The following GPR161 variants were observed in gnomAD, a reference collection of about 807,000 sequenced individuals.
GPR161 encodes G protein-coupled receptor 161, also known as G-protein coupled receptor RE2.
A neutral mutation model predicts 39.2 loss-of-function variants in GPR161; 25 were observed. The observed-to-expected ratio is 0.64, with a 90% CI of 0.47 to 0.89. GPR161 has a LOEUF of 0.89. Among genes scored for constraint, GPR161 ranks in the 40% least tolerant of loss-of-function variants. The probability of loss-of-function intolerance (pLI) is 0.00; values close to 1 mark genes in which losing one functional copy is unlikely to be tolerated. For synonymous variants in GPR161, 286 were observed against 276.6 expected, an observed-to-expected ratio of 1.03 and a Z score of -0.34; for missense variants, 547 against 677.8, an observed-to-expected ratio of 0.81 and a Z score of 2.14.
intron 1 of GPR161, chr1:168,134,840 G>A (rs1414652315): frequency 2.1e-6 from 3 of 1,418,794 alleles, no homozygotes; most frequent in South Asian, 1.2e-5. Flanking sequence ...CTGTCCACCC[G>A]CCTCCTGCAC....
intron 1 of GPR161, among the ~76,000 whole-genome samples, chr1:168,131,810 C>A (rs1699011170): frequency 6.6e-6 from 1 of 151,850 alleles, no homozygotes; most frequent in Non-Finnish European, 1.5e-5. Context: ...GATTTATTAA[C>A]AAGAAAAGGA....
Position 168,080,319 on chromosome 1 carries a change from C to CTTGACCT in GPR161, c.*5211_*5212insAGGTCAA, listed in dbSNP as rs1381460703. The CTTGACCT allele has an allele frequency of 6.6e-6, 1 of 152,272 alleles. No homozygotes were observed. The highest frequency in any genetic ancestry group is 1.5e-5 in the Non-Finnish European group (1 of 68,122). 9.4% of individuals were successfully genotyped at this position (152,272 alleles called of 1,614,324 possible). ...CATCTTCCTTGACCTATAAGACTAG[C>CTTGACCT]TCCTTGCTTTTCTCATCCCCTTGGC... On this transcript the variant is annotated 3_prime_UTR_variant, in exon 6 of 6. Transcript: ENST00000682931.
At chr1:168,112,479 C>CAAAAAA (rs57030886) in intron 1 of GPR161, among the ~76,000 whole-genome samples, 2 of 63,068 alleles carry the variant, frequency 3.2e-5, no homozygotes, top group Non-Finnish European at 6.1e-5. Context: ...GACTCCGTCT[C>CAAAAAA]AAAAAAAAAA....
chr1:168,136,494 G>T (rs1220317048), intron 1 of GPR161: 2 of 1,260,418 alleles, frequency 1.6e-6, no homozygotes, highest in Non-Finnish European at 2.0e-6. Flanking sequence ...CAGGCCGCAG[G>T]GGAGGGGCGC....
At chr1:168,127,779 C>G (rs562922120) in intron 1 of GPR161, among the ~76,000 whole-genome samples, 8 of 152,152 alleles carry the variant, frequency 5.3e-5, no homozygotes, top group Non-Finnish European at 8.8e-5. Flanking sequence ...TGGGTTCCTC[C>G]CATGACACAT....
intron 1 of GPR161, among the ~76,000 whole-genome samples, chr1:168,111,711 G>A (rs1392260896): frequency 1.3e-5 from 2 of 152,066 alleles, no homozygotes; most frequent in Non-Finnish European, 2.9e-5. Context: ...ATTTTGAGTT[G>A]GGTTTCTGTT....
At chr1:168,132,715 C>T (rs1187466991) in intron 1 of GPR161, among the ~76,000 whole-genome samples, 1 of 151,982 alleles carries the variant, frequency 6.6e-6, no homozygotes, top group African/African-American at 2.4e-5. Context: ...ACAGAAGGCA[C>T]ATTTTTAGGT....
rs1266701581 is a variant in GPR161 at position 168,079,757 on chromosome 1, A to T, written c.*5774T>A. 4 of 152,138 alleles carry T rather than the reference A, an allele frequency of 2.6e-5. No homozygotes were observed. The highest frequency in any genetic ancestry group is 5.9e-5 in the Non-Finnish European group (4 of 68,022). The allele number at this position is 152,138 out of a possible 1,614,324, so 9.4% of individuals were successfully genotyped here. On this transcript the variant is annotated 3_prime_UTR_variant, in exon 6 of 6. Coordinates refer to ENST00000682931, the MANE Select transcript of GPR161 (RefSeq NM_001375883.1). ...CTTCTTCATCCAGCGGTCTATTATGAGAACACAACACAGTCCTCTGTCCCT... is the reference window on the plus strand; with the variant it reads ...CTTCTTCATCCAGCGGTCTATTATGTGAACACAACACAGTCCTCTGTCCCT...
intron 1 of GPR161, among the ~76,000 whole-genome samples, chr1:168,116,393 A>G (rs547784344): frequency 1.1e-4 from 16 of 152,324 alleles, no homozygotes; most frequent in African/African-American, 3.8e-4. Context: ...CCTGCTGCTC[A>G]TCTGGCCATA....
intron 1 of GPR161, chr1:168,135,899 C>A: frequency 2.3e-6 from 1 of 432,174 alleles, no homozygotes; most frequent in East Asian, 7.8e-5. Flanking sequence ...GATGAAAGTA[C>A]AATAACAAGC....
chr1:168,090,327 G>A, intron 4 of GPR161: 4 of 427,356 alleles, frequency 9.4e-6, no homozygotes, highest in Admixed American at 3.8e-5. Context: ...ATAACACCGT[G>A]CGGCAGAGAG....
rs1375040301 is a variant in GPR161 at position 168,104,561 on chromosome 1, A to G, written c.290T>C (p.Val97Ala). 6.2e-7 allele frequency: 1 copy of G among 1,614,052 alleles called. No individual in the cohort carries two copies. Among genetic ancestry groups the G allele is most frequent in the Non-Finnish European group, 8.5e-7 (1 of 1,179,908 alleles). ...SSIRREWIFGVVWCNFSALLY... is the reference protein window; with the variant it reads ...SSIRREWIFGAVWCNFSALLY... ...GAGGGCAGAGAAGTTGCACCACACTACACCAAAGATCCATTCCCTGCGGAT... is the reference window on the plus strand; with the variant it reads ...GAGGGCAGAGAAGTTGCACCACACTGCACCAAAGATCCATTCCCTGCGGAT... Residue 97 changes from valine (V) to alanine (A), a missense_variant, in exon 2 of 6, where the codon GTA (valine) becomes GCA (alanine). Transcript: ENST00000682931.
At chr1:168,099,340 G>A (rs1385282161) in intron 2 of GPR161, among the ~76,000 whole-genome samples, 3 of 148,624 alleles carry the variant, frequency 2.0e-5, no homozygotes, top group African/African-American at 7.5e-5. Flanking sequence ...CTTTTCAAAA[G>A]AAACAATGCA....
chr1:168,087,577 A>G lies in GPR161; in HGVS notation c.1324+8T>C, dbSNP rs758246301. 6.2e-7 allele frequency: 1 copy of G among 1,614,118 alleles called. No individual in the cohort carries two copies. Among genetic ancestry groups the G allele is most frequent in the African/African-American group, 1.3e-5 (1 of 75,044 alleles). ...GTTTTCTTGAAGCAATCAGTCACAGAAGCCAACCTTTGATTTGTTCCACTT... is the reference window on the plus strand; with the variant it reads ...GTTTTCTTGAAGCAATCAGTCACAGGAGCCAACCTTTGATTTGTTCCACTT... On this transcript the variant is annotated splice_region_variant and intron_variant, in intron 5 of 5. Transcript: ENST00000682931.
At chr1:168,132,452 G>T (rs1306835455) in intron 1 of GPR161, among the ~76,000 whole-genome samples, 7 of 151,438 alleles carry the variant, frequency 4.6e-5, no homozygotes, top group Non-Finnish European at 1.0e-4. Context: ...GCCGGGCGTG[G>T]TGGCAGGTGC....
At chr1:168,119,215 C>CGT (rs1697896991) in intron 1 of GPR161, among the ~76,000 whole-genome samples, 4 of 110,478 alleles carry the variant, frequency 3.6e-5, no homozygotes, top group African/African-American at 1.7e-4. Context: ...TATATGTATA[C>CGT]ATATATATAT....
intron 1 of GPR161, among the ~76,000 whole-genome samples, chr1:168,126,846 C>T (rs926302706): frequency 6.6e-6 from 1 of 152,208 alleles, no homozygotes; most frequent in Non-Finnish European, 1.5e-5. Context: ...CCCAACAGCA[C>T]TCTGCATGTG....
chr1:168,128,313 C>T (rs974169464), intron 1 of GPR161, among the ~76,000 whole-genome samples: 4 of 152,208 alleles, frequency 2.6e-5, no homozygotes, highest in African/African-American at 9.6e-5. Flanking sequence ...TCTCAATCCC[C>T]ATTCTCCAGA....
At chr1:168,136,334 C>T (rs1220463323) in intron 1 of GPR161, 2 of 1,480,998 alleles carry the variant, frequency 1.4e-6, no homozygotes, top group Non-Finnish European at 1.8e-6. Context: ...CGTGGAGTCT[C>T]TTGGCCCCAG....
Sources: gnomAD v4.1 joint callset for allele counts (sites outside exome capture counted in the v4.1 genomes callset) on GRCh38, gnomAD v4.1.1 for gene constraint, MANE v1.5 for transcripts, NCBI Gene and HGNC (gene_info 2026-07-23, HGNC 2026-07-21) for gene names.